Variants in SEPTIN7 observed in about 807,000 individuals in gnomAD.
The protein encoded by SEPTIN7 is septin-7.
SEPTIN7 carries 10 observed loss-of-function variants against 63.3 expected under a neutral mutation model. The ratio of observed to expected loss-of-function variants is 0.16; its 90% CI spans 0.10 to 0.27. SEPTIN7 has a LOEUF of 0.27. Ranked by LOEUF, SEPTIN7 falls within the 10% of genes least tolerant of loss-of-function variation. The pLI is 1.00. For missense variants in SEPTIN7, 310 were observed against 521.0 expected (o/e 0.59, Z 3.94); for synonymous variants, 131 against 165.3 (o/e 0.79, Z 1.59).
rs1299964356 is a variant in SEPTIN7 at position 35,904,952 on chromosome 7, G to A, written c.*659G>A. On this transcript the variant is annotated 3_prime_UTR_variant, in exon 14 of 14. Transcript: ENST00000350320. Reference sequence around the variant, plus strand: ...AGAATCTCATTACTGCTTCATTTTTGTAATAACATTTAATTTAGATATTTT... The same window carrying A: ...AGAATCTCATTACTGCTTCATTTTTATAATAACATTTAATTTAGATATTTT... The A allele has an allele frequency of 6.6e-6, 1 of 152,342 alleles. No homozygotes were observed. Among genetic ancestry groups the A allele is most frequent in the East Asian group, 1.9e-4 (1 of 5,188 alleles). The allele number at this position is 152,342 out of a possible 1,614,324, so 9.4% of individuals were successfully genotyped here.
At chr7:35,897,124 G>A (rs1202199157) in intron 11 of SEPTIN7, among the ~76,000 whole-genome samples, 1 of 151,940 alleles carries the variant, frequency 6.6e-6, no homozygotes, top group Non-Finnish European at 1.5e-5. Flanking sequence ...TCTGGTTTTC[G>A]TTTTTAAGCC....
intron 3 of SEPTIN7, among the ~76,000 whole-genome samples, chr7:35,857,913 T>C (rs1039639347): frequency 2.0e-5 from 3 of 152,056 alleles, no homozygotes; most frequent in African/African-American, 7.2e-5. Context: ...GCAAATAGTC[T>C]AGTCCTTAAC....
rs775669091 is a variant in SEPTIN7, at chr7:35,863,676, GTTAA to G, written c.276+21_276+24del. The G allele has an allele frequency of 2.5e-5, 31 of 1,235,386 alleles. No homozygotes were observed. In the East Asian group the frequency reaches 7.3e-4, roughly 29 times the overall value. 76.5% of individuals were successfully genotyped at this position (1,235,386 alleles called of 1,614,324 possible). A position where few individuals can be genotyped will look rare whatever the true frequency, so the allele number is the denominator to read the frequency against. ...CTGTACAGGTATGGATATTAGTATT[GTTAA>G]TTGATAAGCTGGAATAATATTAATA... On this transcript the variant is annotated intron_variant, in intron 4 of 13. Coordinates refer to ENST00000350320, the MANE Select transcript of SEPTIN7 (RefSeq NM_001788.6).
chr7:35,834,491 A>G (rs1194525526), intron 3 of SEPTIN7, among the ~76,000 whole-genome samples: 2 of 151,992 alleles, frequency 1.3e-5, no homozygotes, highest in Non-Finnish European at 2.9e-5. Flanking sequence ...TCCCTTTGTG[A>G]AATGCAGCTT....
Position 35,832,909 on chromosome 7 carries a change from T to C in SEPTIN7, c.169+9T>C, listed in dbSNP as rs1233387295. 1.3e-5 allele frequency: 20 copies of C among 1,488,076 alleles called. No homozygotes were observed. The highest frequency in any genetic ancestry group is 1.7e-5 in the Non-Finnish European group (18 of 1,066,278). 92.2% of individuals were successfully genotyped at this position (1,488,076 alleles called of 1,614,324 possible). A position where few individuals can be genotyped will look rare whatever the true frequency, so the allele number is the denominator to read the frequency against. On this transcript the variant is annotated intron_variant, in intron 3 of 13. Coordinates refer to ENST00000350320, the MANE Select transcript of SEPTIN7 (RefSeq NM_001788.6). Reference sequence around the variant, plus strand: ...CACGCTTATGGTAGTGGGTAAGATATGATTTCTTACTAAAATGGAACTTTG... The same window carrying C: ...CACGCTTATGGTAGTGGGTAAGATACGATTTCTTACTAAAATGGAACTTTG...
At chr7:35,860,129 A>G (rs139258480) in intron 3 of SEPTIN7, among the ~76,000 whole-genome samples, 139 of 143,314 alleles carry the variant, frequency 9.7e-4, no homozygotes, top group African/African-American at 3.5e-3. Flanking sequence ...TTTTTTTGGT[A>G]TATTTTATAG....
intron 3 of SEPTIN7, among the ~76,000 whole-genome samples, chr7:35,860,163 G>C (rs1466232580): frequency 6.6e-6 from 1 of 150,688 alleles, no homozygotes; most frequent in East Asian, 1.9e-4. Context: ...TTATTATAGG[G>C]ATAATATATA....
the SEPTIN7 span, among the ~76,000 whole-genome samples, chr7:35,915,319 A>G: frequency 2.0e-5 from 3 of 152,166 alleles, no homozygotes; most frequent in African/African-American, 7.2e-5. Context: ...ATACACACAC[A>G]CTTCTGGAAT....
intron 3 of SEPTIN7, among the ~76,000 whole-genome samples, chr7:35,841,220 GT>G (rs1342530788): frequency 6.6e-6 from 1 of 151,646 alleles, no homozygotes; most frequent in East Asian, 1.9e-4. Context: ...GTGAGATTCT[GT>G]CTCAAACGTA....
chr7:35,808,888 A>G (rs1317399385), intron 1 of SEPTIN7, among the ~76,000 whole-genome samples: 2 of 152,294 alleles, frequency 1.3e-5, no homozygotes, highest in East Asian at 1.9e-4. Context: ...CAACTTTGAC[A>G]TGGTGAGTCA....
chr7:35,846,558 T>G (rs1185169718), intron 3 of SEPTIN7, among the ~76,000 whole-genome samples: 4 of 152,212 alleles, frequency 2.6e-5, no homozygotes, highest in Non-Finnish European at 5.9e-5. Context: ...TGAGAGTGTC[T>G]TCAGGATGGC....
chr7:35,815,183 G>A (rs1159906872), intron 1 of SEPTIN7: 27 of 440,440 alleles, frequency 6.1e-5, no homozygotes, highest in Middle Eastern at 3.3e-4. Flanking sequence ...TGTATTTTTC[G>A]TGCCTAAGCC....
At chr7:35,896,966 A>G (rs981547883) in intron 11 of SEPTIN7, among the ~76,000 whole-genome samples, 1 of 152,162 alleles carries the variant, frequency 6.6e-6, no homozygotes, top group African/African-American at 2.4e-5. Context: ...TTTTCTATCT[A>G]GCTCTTTTGC....
chr7:35,895,471 A>G (rs1787903978), intron 11 of SEPTIN7, among the ~76,000 whole-genome samples: 1 of 152,246 alleles, frequency 6.6e-6, no homozygotes. Flanking sequence ...TAACTGTTAA[A>G]TAATTGCAAA....
Position 35,801,155 on chromosome 7 carries a change from T to C in SEPTIN7, c.-55T>C. 7.0e-7 allele frequency: 1 copy of C among 1,419,870 alleles called. No individual in the cohort carries two copies. The highest frequency in any genetic ancestry group is 9.4e-7 in the Non-Finnish European group (1 of 1,066,110). The allele number at this position is 1,419,870 out of a possible 1,614,324, so 88.0% of individuals were successfully genotyped here. The stretch of plus-strand genomic sequence containing the variant: ...CGCTGCGGAATCGGCGTAGGCGCCT[T>C]TGGAGAATCGGCGGGCTGCGCTCCG... On this transcript the variant is annotated 5_prime_UTR_variant, in exon 1 of 14. Coordinates refer to ENST00000350320, the MANE Select transcript of SEPTIN7 (RefSeq NM_001788.6).
In SEPTIN7 at chr7:35,848,505, C is replaced by G. The variant is rs144956060; in HGVS notation, c.170-15047C>G. 1.6e-3 allele frequency among the ~76,000 whole-genome samples: 250 copies of G among 152,064 alleles called. 2 individuals carry two copies. The highest frequency in any genetic ancestry group is 5.8e-3 in the African/African-American group (242 of 41,476). ...CAGGATGGTCTTGATCTCCTGACCT[C>G]GTGATCCACCCATTTTTAAGGAGGA... On this transcript the variant is annotated intron_variant, in intron 3 of 13. Coordinates refer to ENST00000350320, the MANE Select transcript of SEPTIN7 (RefSeq NM_001788.6).
chr7:35,873,683 C>G lies in SEPTIN7; in HGVS notation c.420C>G (p.Asp140Glu). ...ACTACATTGATAGTAAATTTGAGGA[C>G]TACCTAAATGCAGAATCACGAGTGA... Reference protein sequence around the residue: ...VIDYIDSKFEDYLNAESRVNR... With the variant: ...VIDYIDSKFEEYLNAESRVNR... The change falls in exon 6 of 14, where the codon GAC (aspartate) becomes GAG (glutamate). Residue 140 changes from aspartate (D) to glutamate (E), a missense_variant. This residue lies in a region of SEPTIN7 where 255 missense variants were observed against 490.5 expected (regional missense o/e 0.52). Transcript: ENST00000350320. The G allele has an allele frequency of 6.2e-7, 1 of 1,610,588 alleles. No homozygotes were observed. Among genetic ancestry groups the G allele is most frequent in the Non-Finnish European group, 8.5e-7 (1 of 1,178,996 alleles).
intron 3 of SEPTIN7, among the ~76,000 whole-genome samples, chr7:35,850,868 ACTT>A (rs1784922408): frequency 6.6e-6 from 1 of 152,180 alleles, no homozygotes; most frequent in Non-Finnish European, 1.5e-5. Flanking sequence ...GTCAGGTACT[ACTT>A]TAGTCTCAGA....
intron 4 of SEPTIN7, among the ~76,000 whole-genome samples, chr7:35,868,812 T>TATTGAGAAA (rs1785972469): frequency 2.0e-5 from 3 of 152,176 alleles, no homozygotes; most frequent in Admixed American, 1.3e-4. Context: ...CCCTAGAACA[T>TATTGAGAAA]ATTGAGAAAT....
Sources: gnomAD v4.1 joint callset for allele counts (sites outside exome capture counted in the v4.1 genomes callset) on GRCh38, gnomAD v4.1.1 for gene constraint, gnomAD v4.1.1 regional missense constraint, MANE v1.5 for transcripts, NCBI Gene and HGNC (gene_info 2026-07-23, HGNC 2026-07-21) for gene names.